DDX19B: variants seen among roughly 807,000 people sequenced by gnomAD.
The protein encoded by DDX19B is DEAD-box helicase 19B, also known as ATP-dependent RNA helicase DDX19B.
Under a neutral mutation model 58.1 loss-of-function variants are expected in DDX19B, and 27 were observed. That is an observed-to-expected ratio of 0.46 (90% CI 0.34 to 0.64). The LOEUF (loss-of-function observed/expected upper bound fraction) is 0.64. Ranked by LOEUF, DDX19B falls within the 30% of genes least tolerant of loss-of-function variation. The pLI, the probability that DDX19B is intolerant of heterozygous loss-of-function variation, is 0.01. For missense variants in DDX19B, 399 were observed against 596.5 expected (o/e 0.67, Z 3.45); for synonymous variants, 187 against 214.4 (o/e 0.87, Z 1.12).
chr16:70,332,937 T>C lies in DDX19B; in HGVS notation c.1187-31T>C, dbSNP rs762024157. 9 of 1,614,144 alleles carry C rather than the reference T, an allele frequency of 5.6e-6. No individual in the cohort carries two copies. In the South Asian group the frequency reaches 9.9e-5, roughly 18 times the overall value. ...TGACTGATTTGCCTCCTGTCCTTAGTCCTCTCAGCCTCCAACTCTCCTTCC... is the reference window on the plus strand; with the variant it reads ...TGACTGATTTGCCTCCTGTCCTTAGCCCTCTCAGCCTCCAACTCTCCTTCC... On this transcript the variant is annotated intron_variant, in intron 10 of 11. Coordinates refer to ENST00000288071, the MANE Select transcript of DDX19B (RefSeq NM_007242.7).
intron 5 of DDX19B, among the ~76,000 whole-genome samples, chr16:70,324,186 G>A (rs1383828318): frequency 6.6e-6 from 1 of 151,896 alleles, no homozygotes; most frequent in Non-Finnish European, 1.5e-5. Context: ...GAGAAGTAAT[G>A]TGAGCTGACT....
upstream of DDX19B, chr16:70,294,797 A>C (rs2152178492): frequency 1.4e-6 from 2 of 1,392,998 alleles, no homozygotes; most frequent in South Asian, 2.9e-5. Flanking sequence ...CGGCTTGGCC[A>C]GTGCCAAGAG....
At chr16:70,329,069 A>C (rs940201703) in intron 7 of DDX19B, among the ~76,000 whole-genome samples, 1 of 151,452 alleles carries the variant, frequency 6.6e-6, no homozygotes, top group African/African-American at 2.4e-5. Context: ...CAAAAAAAAA[A>C]AAAATTAGCC....
rs769592900 is a variant in DDX19B at position 70,329,995 on chromosome 16, G to A, written c.950G>A (p.Arg317Lys). ...CAGTACTATGTCCTGTGCAGCAGCA[G>A]AGACGAGAAGTTCCAGGCCTTGTGT... ...IKQYYVLCSSRDEKFQALCNL... is the reference protein window; with the variant it reads ...IKQYYVLCSSKDEKFQALCNL... The change falls in exon 9 of 12, where the codon AGA becomes AAA. Residue 317 changes from arginine (R) to lysine (K), a missense_variant. Transcript: ENST00000288071. The A allele has an allele frequency of 1.7e-5, 27 of 1,614,074 alleles. No individual in the cohort carries two copies. In the Admixed American group the frequency reaches 4.5e-4, roughly 27 times the overall value.
At chr16:70,314,532 C>T (rs998697151) in intron 2 of DDX19B, among the ~76,000 whole-genome samples, 3 of 151,738 alleles carry the variant, frequency 2.0e-5, no homozygotes, top group South Asian at 2.1e-4. Context: ...GGCGTGGTGG[C>T]GGGTGCCTGT....
At position 70,299,225 on chromosome 16, in the gene DDX19B, C is replaced by G; in HGVS notation, c.-73C>G. 1.4e-6 allele frequency: 2 copies of G among 1,457,632 alleles called. No individual in the cohort carries two copies. Among genetic ancestry groups the G allele is most frequent in the Admixed American group, 2.7e-5 (1 of 36,788 alleles). 90.3% of individuals were successfully genotyped at this position (1,457,632 alleles called of 1,614,324 possible). On this transcript the variant is annotated 5_prime_UTR_variant, in exon 1 of 12. Transcript: ENST00000288071. ...GGGCTGGAGCAGAGCCTGCCGCGAACCCCCGGAGCCCACGATCCCTCGTGC... is the reference window on the plus strand; with the variant it reads ...GGGCTGGAGCAGAGCCTGCCGCGAAGCCCCGGAGCCCACGATCCCTCGTGC...
upstream of DDX19B, among the ~76,000 whole-genome samples, chr16:70,297,384 TG>T (rs1482279891): frequency 6.6e-6 from 1 of 152,076 alleles, no homozygotes; most frequent in Non-Finnish European, 1.5e-5. Context: ...GGCTAATTTT[TG>T]TATTTTTAGT....
Position 70,299,235 on chromosome 16 carries a change from C to T in DDX19B, c.-63C>T. On this transcript the variant is annotated 5_prime_UTR_variant, in exon 1 of 12. Transcript: ENST00000288071. ...AGAGCCTGCCGCGAACCCCCGGAGCCCACGATCCCTCGTGCCATCCCTCGA... is the reference window on the plus strand; with the variant it reads ...AGAGCCTGCCGCGAACCCCCGGAGCTCACGATCCCTCGTGCCATCCCTCGA... 1.4e-6 allele frequency: 2 copies of T among 1,478,518 alleles called. No homozygotes were observed. Among genetic ancestry groups the T allele is most frequent in the Non-Finnish European group, 1.8e-6 (2 of 1,112,896 alleles). 91.6% of individuals were successfully genotyped at this position (1,478,518 alleles called of 1,614,324 possible).
chr16:70,331,373 A>G (rs1346958060), intron 9 of DDX19B, among the ~76,000 whole-genome samples: 1 of 152,226 alleles, frequency 6.6e-6, no homozygotes, highest in African/African-American at 2.4e-5. Context: ...AGGAATGAAG[A>G]TCTTTGGCTA....
At chr16:70,321,268 CT>C (rs537919714) in intron 5 of DDX19B, among the ~76,000 whole-genome samples, 2 of 151,798 alleles carry the variant, frequency 1.3e-5, no homozygotes, top group Admixed American at 6.6e-5. Context: ...GGCCTTCAGG[CT>C]TTTTTTTGTT....
intron 10 of DDX19B, 112 bp downstream of exon 10, chr16:70,331,996 G>C (rs920741153): frequency 1.4e-6 from 2 of 1,451,642 alleles, no homozygotes; most frequent in Non-Finnish European, 1.8e-6. Flanking sequence ...AGATGGGTGG[G>C]GTTGGTGACA....
In DDX19B at chr16:70,331,871, C is replaced by T. The variant is rs148654021; in HGVS notation, c.1173C>T (p.Asn391=). Reference sequence around the variant, plus strand: ...AAGAGAAGGTTTTGGTGACCACCAACGTGTGTGCCCGCGGTGAGCAGAGGA... The same window carrying T: ...AAGAGAAGGTTTTGGTGACCACCAATGTGTGTGCCCGCGGTGAGCAGAGGA... ...EGKEKVLVTT[N]VCARGIDVEQ... The change falls in exon 10 of 12, where the codon AAC becomes AAT. Residue 391 remains asparagine (N), a synonymous_variant. Transcript: ENST00000288071. The T allele has an allele frequency of 3.6e-4, 588 of 1,613,952 alleles. 5 individuals carry two copies. The South Asian group carries it at 4.5e-3, about 12-fold the overall frequency.
intron 9 of DDX19B, 80 bp from the exon 10 acceptor site, chr16:70,331,642 G>A (rs1037806394): frequency 2.2e-5 from 33 of 1,518,044 alleles, no homozygotes; most frequent in African/African-American, 2.1e-4. Context: ...TATTTTAATC[G>A]TGGCAAGCCA....
At position 70,302,914 on chromosome 16, in the gene DDX19B, C is replaced by T. The variant is rs1267554315; in HGVS notation, c.57+3560C>T. ...CTTCCCTGCACAGTATTGTCAGTTT[C>T]CTTCATTCTAATAGGTACATGCTGG... On this transcript the variant is annotated intron_variant, in intron 1 of 11. Coordinates refer to ENST00000288071, the MANE Select transcript of DDX19B (RefSeq NM_007242.7). Among the ~76,000 whole-genome samples the T allele has an allele frequency of 2.0e-5, 3 of 152,152 alleles. No homozygotes were observed. In the East Asian group the frequency reaches 5.8e-4, roughly 29 times the overall value.
chr16:70,291,757 G>A (rs112769518), upstream of DDX19B, among the ~76,000 whole-genome samples: 10 of 151,670 alleles, frequency 6.6e-5, no homozygotes, highest in Non-Finnish European at 1.0e-4. Context: ...CTAGCAGTGA[G>A]CCGAGATCAG....
At chr16:70,294,696 C>T, upstream of DDX19B, 1 of 514,202 alleles carries the variant, frequency 1.9e-6, no homozygotes, top group Non-Finnish European at 3.3e-6. Context: ...TGTCTTTGGC[C>T]CCCAGAGTTC....
intron 1 of DDX19B, 45 bp downstream of exon 1, chr16:70,299,399 T>G (rs748612462): frequency 6.0e-5 from 93 of 1,550,858 alleles, no homozygotes; most frequent in Non-Finnish European, 8.1e-5. Context: ...CTAGTTCTGG[T>G]CGGAGACTTG....
chr16:70,310,988 GC>G (rs1348625465), intron 1 of DDX19B, among the ~76,000 whole-genome samples: 1 of 149,486 alleles, frequency 6.7e-6, no homozygotes, highest in Non-Finnish European at 1.5e-5. Context: ...CTGAGATCAG[GC>G]CACTGCACTC....
At chr16:70,295,188 C>A, upstream of DDX19B, 1 of 739,428 alleles carries the variant, frequency 1.4e-6, no homozygotes, top group Admixed American at 4.4e-5. Context: ...TTTCCACGCC[C>A]GCTTTGGAAA....
Sources: gnomAD v4.1 joint callset for allele counts (sites outside exome capture counted in the v4.1 genomes callset) on GRCh38, gnomAD v4.1.1 for gene constraint, MANE v1.5 for transcripts, NCBI Gene and HGNC (gene_info 2026-07-23, HGNC 2026-07-21) for gene names.